Variants in PCOLCE2 observed in about 807,000 individuals in gnomAD.
The protein encoded by PCOLCE2 is procollagen C-endopeptidase enhancer 2.
In PCOLCE2, 42 loss-of-function variants were observed where a neutral mutation model predicts 47.0. The observed-to-expected ratio is 0.89, with a 90% CI of 0.70 to 1.16. PCOLCE2 has a LOEUF of 1.16. Ranked by LOEUF, PCOLCE2 falls within the 50% of genes most tolerant of loss-of-function variation. The pLI is 0.00. For missense variants in PCOLCE2, 500 were observed against 526.1 expected (o/e 0.95, Z 0.49); for synonymous variants, 169 against 191.7 (o/e 0.88, Z 0.98).
chr3:142,878,255 C>CT (rs1214844870), intron 2 of PCOLCE2, among the ~76,000 whole-genome samples: 4 of 152,260 alleles, frequency 2.6e-5, no homozygotes, highest in Admixed American at 6.5e-5. Flanking sequence ...ATAATTCCAA[C>CT]TCCCCACTTC....
intron 6 of PCOLCE2, among the ~76,000 whole-genome samples, chr3:142,828,089 T>C (rs966257134): frequency 6.6e-6 from 1 of 152,246 alleles, no homozygotes; most frequent in Non-Finnish European, 1.5e-5. Context: ...CCTGGATTTC[T>C]ACAATTCATT....
chr3:142,875,790 C>G (rs1045280143), intron 2 of PCOLCE2, among the ~76,000 whole-genome samples: 15 of 152,124 alleles, frequency 9.9e-5, no homozygotes, highest in African/African-American at 3.6e-4. Flanking sequence ...TAAAAACAGA[C>G]CCTTCAGCTC....
At chr3:142,874,402 C>T (rs925618717) in intron 2 of PCOLCE2, among the ~76,000 whole-genome samples, 1 of 152,106 alleles carries the variant, frequency 6.6e-6, no homozygotes, top group Non-Finnish European at 1.5e-5. Flanking sequence ...GTGGCACACC[C>T]CCCTCACTCT....
chr3:142,859,564 GTTT>G (rs1253853763), intron 2 of PCOLCE2, among the ~76,000 whole-genome samples: 1 of 144,366 alleles, frequency 6.9e-6, no homozygotes. Flanking sequence ...TTTCTTTCTT[GTTT>G]TTTTTTTTTG....
intron 2 of PCOLCE2, among the ~76,000 whole-genome samples, chr3:142,887,001 T>C (rs1387925876): frequency 4.6e-5 from 7 of 152,232 alleles, no homozygotes; most frequent in African/African-American, 7.2e-5. Context: ...GTCAATGCTA[T>C]GCTGACTGGA....
intron 4 of PCOLCE2, among the ~76,000 whole-genome samples, chr3:142,839,977 G>A (rs1456931328): frequency 6.6e-6 from 1 of 152,228 alleles, no homozygotes; most frequent in Non-Finnish European, 1.5e-5. Context: ...GTAGTAGTGT[G>A]TGTGAATATA....
At chr3:142,825,467 C>T (rs1937065630) in intron 6 of PCOLCE2, among the ~76,000 whole-genome samples, 2 of 152,164 alleles carry the variant, frequency 1.3e-5, no homozygotes, top group Non-Finnish European at 2.9e-5. Context: ...CATGTCTGAT[C>T]CCGCAGTCCC....
At position 142,889,027 on chromosome 3, in the gene PCOLCE2, G is replaced by A; in HGVS notation, c.-131C>T. 2 of 292,074 alleles carry A rather than the reference G, an allele frequency of 6.8e-6. No individual in the cohort carries two copies. The highest frequency in any genetic ancestry group is 1.3e-5 in the Non-Finnish European group (2 of 155,622). The allele number at this position is 292,074 out of a possible 1,614,324, so 18.1% of individuals were successfully genotyped here. A position where few individuals can be genotyped will look rare whatever the true frequency, so the allele number is the denominator to read the frequency against. ...GGCTCACACCGGCGCTCGGCTGCCCGCGCGCTCCCTCTCACGCGCGCACCG... is the reference window on the plus strand; with the variant it reads ...GGCTCACACCGGCGCTCGGCTGCCCACGCGCTCCCTCTCACGCGCGCACCG... On this transcript the variant is annotated 5_prime_UTR_variant, in exon 1 of 9. Transcript: ENST00000295992.
chr3:142,874,768 A>G (rs1933464404), intron 2 of PCOLCE2, among the ~76,000 whole-genome samples: 1 of 152,220 alleles, frequency 6.6e-6, no homozygotes, highest in African/African-American at 2.4e-5. Flanking sequence ...CCTTGGCCTT[A>G]AGAGATTTAT....
intron 2 of PCOLCE2, among the ~76,000 whole-genome samples, chr3:142,850,629 A>G (rs1459587598): frequency 1.3e-5 from 2 of 152,238 alleles, no homozygotes; most frequent in African/African-American, 4.8e-5. Context: ...GGATTTAGCA[A>G]CACAGAAGTT....
chr3:142,842,437 CA>C lies in PCOLCE2; in HGVS notation c.573+486del, dbSNP rs1937273989. 6.6e-6 allele frequency among the ~76,000 whole-genome samples: 1 copy of C among 151,930 alleles called. No individual in the cohort carries two copies. The highest frequency in any genetic ancestry group is 1.9e-4 in the East Asian group (1 of 5,178). On this transcript the variant is annotated intron_variant, in intron 4 of 8. Coordinates refer to ENST00000295992, the MANE Select transcript of PCOLCE2 (RefSeq NM_013363.4). This position sits in a 1 kb window ranked among gnomAD's most constrained non-coding sequence, Gnocchi z 4.1. ...AAATTAAATCCATGAATTTGCAACT[CA>C]AAAAAATGCAAAGGCTAGGCCGGGC...
rs1937357017 is a variant in PCOLCE2, at chr3:142,848,740, G to A, written c.193-268C>T. Among the ~76,000 whole-genome samples the A allele has an allele frequency of 2.0e-5, 3 of 152,262 alleles. No homozygotes were observed. The South Asian group carries it at 6.2e-4, about 32-fold the overall frequency. On this transcript the variant is annotated intron_variant, in intron 2 of 8. Transcript: ENST00000295992. Reference sequence around the variant, plus strand: ...ACCTCAACAAAGCTGCAAAATATTAGGTCAGTATTATTAATAGATGAGTCA... The same window carrying A: ...ACCTCAACAAAGCTGCAAAATATTAAGTCAGTATTATTAATAGATGAGTCA...
At position 142,888,853 on chromosome 3, in the gene PCOLCE2, G is replaced by A. The variant is rs747981037; in HGVS notation, c.44C>T (p.Ala15Val). Residue 15 changes from alanine to valine, a missense_variant, in exon 1 of 9, where the codon GCT becomes GTT. Physicochemically the swap from Ala to Val is moderately conservative, Grantham distance 64. Coordinates refer to ENST00000295992, the MANE Select transcript of PCOLCE2 (RefSeq NM_013363.4). ...NAWAPLCLLL[A>V]AATQLSRQQS... ...CTGCCGCGAGAGCTGGGTGGCGGCA[G>A]CCAGCAGCAGGCAGAGTGGCGCCCA... 1 of 1,548,322 alleles carries A rather than the reference G, an allele frequency of 6.5e-7. No homozygotes were observed. Among genetic ancestry groups the A allele is most frequent in the Non-Finnish European group, 8.7e-7 (1 of 1,150,012 alleles).
At chr3:142,873,117 G>A (rs1933426334) in intron 2 of PCOLCE2, among the ~76,000 whole-genome samples, 2 of 152,082 alleles carry the variant, frequency 1.3e-5, no homozygotes, top group South Asian at 4.1e-4. Flanking sequence ...TGTTGGCTGG[G>A]CGCAGTGGCT....
chr3:142,835,836 A>G (rs1280058666), intron 5 of PCOLCE2, among the ~76,000 whole-genome samples: 1 of 152,068 alleles, frequency 6.6e-6, no homozygotes, highest in Non-Finnish European at 1.5e-5. Context: ...TACAGATGGT[A>G]TCTTACCATG....
At chr3:142,840,999 C>T (rs1194478009) in intron 4 of PCOLCE2, among the ~76,000 whole-genome samples, 1 of 149,454 alleles carries the variant, frequency 6.7e-6, no homozygotes, top group Non-Finnish European at 1.5e-5. Context: ...GGACCGAACC[C>T]GGGAGGTGGA....
intron 2 of PCOLCE2, among the ~76,000 whole-genome samples, chr3:142,857,943 T>G (rs1933098798): frequency 6.6e-6 from 1 of 152,206 alleles, no homozygotes; most frequent in Non-Finnish European, 1.5e-5. Flanking sequence ...CTGTCCATCC[T>G]CAAACACACC....
At chr3:142,827,175 C>T in intron 6 of PCOLCE2, 1 of 1,369,338 alleles carries the variant, frequency 7.3e-7, no homozygotes, top group Non-Finnish European at 1.0e-6. Context: ...CATTTTGCAG[C>T]CAGCAGGGTC....
At chr3:142,826,431 C>G (rs975375428) in intron 6 of PCOLCE2, among the ~76,000 whole-genome samples, 1 of 152,202 alleles carries the variant, frequency 6.6e-6, no homozygotes, top group Non-Finnish European at 1.5e-5. Context: ...GGGGTCACCC[C>G]CCTCCGACCT....
Sources: gnomAD v4.1 joint callset for allele counts (sites outside exome capture counted in the v4.1 genomes callset) on GRCh38, gnomAD v4.1.1 for gene constraint, Gnocchi (gnomAD v3.1) non-coding constraint, MANE v1.5 for transcripts, NCBI Gene and HGNC (gene_info 2026-07-23, HGNC 2026-07-21) for gene names.